DGKI: variants seen among roughly 807,000 people sequenced by gnomAD.
DGKI encodes DAG kinase iota.
DGKI carries 55 observed loss-of-function variants against 147.5 expected under a neutral mutation model. The observed-to-expected ratio is 0.37, with a 90% CI of 0.30 to 0.47. The LOEUF (loss-of-function observed/expected upper bound fraction) is 0.47. Among genes scored for constraint, DGKI ranks in the 20% least tolerant of loss-of-function variants. DGKI has a pLI of 1.00. For synonymous variants in DGKI, 469 were observed against 477.1 expected (o/e 0.98, Z 0.22); for missense variants, 1,007 against 1,323.8 (o/e 0.76, Z 3.71).
At chr7:137,599,969 T>G in intron 10 of DGKI, 64 bp from the exon 11 acceptor site, 1 of 1,325,518 alleles carries the variant, frequency 7.5e-7, no homozygotes, top group East Asian at 2.4e-5. Flanking sequence ...TAACTGCTCA[T>G]TTAAAAAATA....
intron 1 of DGKI, among the ~76,000 whole-genome samples, chr7:137,730,554 T>C (rs1161209635): frequency 1.3e-5 from 2 of 152,144 alleles, no homozygotes; most frequent in African/African-American, 4.8e-5. Flanking sequence ...ATTTCTCTGC[T>C]TTAAACTCCA....
chr7:137,393,396 T>C (rs13236574), intron 32 of DGKI, among the ~76,000 whole-genome samples: 42,932 of 151,978 alleles, frequency 0.28, 7,005 homozygotes, highest in Admixed American at 0.36. Flanking sequence ...ATGGCTTCTC[T>C]CTGTTTTTAA....
chr7:137,541,827 A>G (rs1817713665), intron 20 of DGKI, among the ~76,000 whole-genome samples: 1 of 152,136 alleles, frequency 6.6e-6, no homozygotes, highest in African/African-American at 2.4e-5. Flanking sequence ...AGGAGAAAAT[A>G]TTCACCTGGA....
At chr7:137,687,045 G>C (rs141491999) in intron 2 of DGKI, among the ~76,000 whole-genome samples, 1 of 152,090 alleles carries the variant, frequency 6.6e-6, no homozygotes, top group African/African-American at 2.4e-5. Flanking sequence ...AGTAGTAGAC[G>C]CCTTTGAGAT....
chr7:137,471,339 G>A (rs1814877665), intron 23 of DGKI, among the ~76,000 whole-genome samples: 1 of 152,200 alleles, frequency 6.6e-6, no homozygotes, highest in Admixed American at 6.5e-5. Flanking sequence ...AGCCGCAGGT[G>A]TGGATGATCT....
At chr7:137,805,020 C>A (rs1384324934) in intron 1 of DGKI, among the ~76,000 whole-genome samples, 2 of 152,190 alleles carry the variant, frequency 1.3e-5, no homozygotes, top group African/African-American at 4.8e-5. Context: ...TGCTTATTAC[C>A]TACTTGTTTA....
At chr7:137,759,885 T>G (rs1364933114) in intron 1 of DGKI, among the ~76,000 whole-genome samples, 1 of 152,118 alleles carries the variant, frequency 6.6e-6, no homozygotes, top group Non-Finnish European at 1.5e-5. Flanking sequence ...GATATTCTCA[T>G]GCCTCATTCT....
intron 28 of DGKI, among the ~76,000 whole-genome samples, chr7:137,434,437 T>C (rs1813203773): frequency 6.6e-6 from 1 of 151,660 alleles, no homozygotes; most frequent in African/African-American, 2.4e-5. Context: ...AAATATTACC[T>C]GGGCGTGGTG....
At chr7:137,502,748 C>T (rs919220729) in intron 21 of DGKI, among the ~76,000 whole-genome samples, 3 of 152,074 alleles carry the variant, frequency 2.0e-5, no homozygotes, top group African/African-American at 7.2e-5. Context: ...AAACGGAACA[C>T]CAGCTTTCAT....
intron 1 of DGKI, among the ~76,000 whole-genome samples, chr7:137,770,741 G>A (rs1000655493): frequency 1.8e-5 from 1 of 55,866 alleles, no homozygotes; most frequent in Non-Finnish European, 3.1e-5. Flanking sequence ...CACCGTTTTA[G>A]CCGGGATGGT....
chr7:137,844,124 C>A (rs147739452), intron 1 of DGKI, among the ~76,000 whole-genome samples: 24 of 152,268 alleles, frequency 1.6e-4, no homozygotes, highest in African/African-American at 4.3e-4. Context: ...TCATCCATCC[C>A]ACAGTAAAAC....
intron 1 of DGKI, among the ~76,000 whole-genome samples, chr7:137,748,353 GAA>G (rs1337725224): frequency 8.7e-6 from 1 of 115,180 alleles, no homozygotes; most frequent in Admixed American, 8.5e-5. Context: ...TGTGGTTAAA[GAA>G]AAAAAAAAAA....
At chr7:137,391,999 A>T (rs1226724951) in intron 32 of DGKI, among the ~76,000 whole-genome samples, 1 of 152,184 alleles carries the variant, frequency 6.6e-6, no homozygotes, top group East Asian at 1.9e-4. Flanking sequence ...CCAAACTAAG[A>T]TAACCACTAC....
At chr7:137,553,190 T>G (rs1429967754) in intron 19 of DGKI, among the ~76,000 whole-genome samples, 1 of 152,236 alleles carries the variant, frequency 6.6e-6, no homozygotes, top group African/African-American at 2.4e-5. Context: ...CTATTCTCAT[T>G]AAATAACCAA....
chr7:137,426,389 C>A (rs1812807311), intron 28 of DGKI, among the ~76,000 whole-genome samples: 1 of 152,072 alleles, frequency 6.6e-6, no homozygotes, highest in Non-Finnish European at 1.5e-5. Flanking sequence ...TAAAAGAGCT[C>A]CTGAAGGAAG....
chr7:137,782,156 G>A (rs1210053270), intron 1 of DGKI, among the ~76,000 whole-genome samples: 2 of 152,144 alleles, frequency 1.3e-5, no homozygotes, highest in Non-Finnish European at 2.9e-5. Flanking sequence ...AAAACTGTGA[G>A]TCTGCTTGCT....
intron 3 of DGKI, among the ~76,000 whole-genome samples, chr7:137,676,006 A>T (rs1319973968): frequency 1.3e-5 from 2 of 152,126 alleles, no homozygotes; most frequent in African/African-American, 4.8e-5. Flanking sequence ...CCCCTAAACC[A>T]ACTTGGGCAC....
At chr7:137,549,702 G>A (rs560834726) in intron 20 of DGKI, among the ~76,000 whole-genome samples, 1 of 152,252 alleles carries the variant, frequency 6.6e-6, no homozygotes, top group East Asian at 1.9e-4. Flanking sequence ...CTCAGAAGGT[G>A]GAAGAACACT....
chr7:137,725,118 C>T (rs1794682588), intron 1 of DGKI, among the ~76,000 whole-genome samples: 1 of 152,146 alleles, frequency 6.6e-6, no homozygotes, highest in African/African-American at 2.4e-5. Flanking sequence ...CCCAGGTATT[C>T]TGTGGGTATT....
Sources: allele counts gnomAD v4.1 joint callset (sites outside exome capture counted in the v4.1 genomes callset), GRCh38; gene constraint gnomAD v4.1.1; transcripts MANE v1.5; gene names NCBI Gene and HGNC (gene_info 2026-07-23, HGNC 2026-07-21).